KCNH5: variants seen among roughly 807,000 people sequenced by gnomAD.
KCNH5 encodes voltage-gated delayed rectifier potassium channel KCNH5.
KCNH5 carries 46 observed loss-of-function variants against 96.1 expected under a neutral mutation model. The ratio of observed to expected loss-of-function variants is 0.48; its 90% CI spans 0.38 to 0.61. The LOEUF is 0.61. Ranked by LOEUF, KCNH5 falls within the 20% of genes least tolerant of loss-of-function variation. KCNH5 has a pLI of 0.00. For missense variants in KCNH5, 907 were observed against 1,225.8 expected (o/e 0.74, Z 3.88); for synonymous variants, 439 against 449.8 (o/e 0.98, Z 0.30).
chr14:62,841,880 A>G (rs1242886049), intron 8 of KCNH5, among the ~76,000 whole-genome samples: 1 of 152,224 alleles, frequency 6.6e-6, no homozygotes, highest in East Asian at 1.9e-4. Context: ...TAGGGTACTG[A>G]GCAAGTTATC....
intron 7 of KCNH5, among the ~76,000 whole-genome samples, chr14:62,911,619 AAACAG>A (rs1355359561): frequency 6.6e-6 from 1 of 152,222 alleles, no homozygotes; most frequent in Non-Finnish European, 1.5e-5. Flanking sequence ...TTGATCAATA[AAACAG>A]AATACAAATT....
intron 7 of KCNH5, among the ~76,000 whole-genome samples, chr14:62,860,553 G>A (rs1376614231): frequency 6.6e-6 from 1 of 152,106 alleles, no homozygotes; most frequent in African/African-American, 2.4e-5. Flanking sequence ...CATTTATTAT[G>A]GATCAAACAA....
intron 4 of KCNH5, among the ~76,000 whole-genome samples, chr14:62,999,969 G>A (rs904956989): frequency 6.6e-6 from 1 of 151,984 alleles, no homozygotes; most frequent in African/African-American, 2.4e-5. Flanking sequence ...CCCAGGCACT[G>A]AGTCTATGTG....
At chr14:62,854,471 C>G (rs1887891698) in intron 7 of KCNH5, among the ~76,000 whole-genome samples, 1 of 152,080 alleles carries the variant, frequency 6.6e-6, no homozygotes, top group Non-Finnish European at 1.5e-5. Context: ...TAAGGTTATT[C>G]ATGTCCTAAC....
intron 10 of KCNH5, among the ~76,000 whole-genome samples, chr14:62,751,793 T>C (rs747674856): frequency 2.0e-5 from 3 of 152,212 alleles, no homozygotes; most frequent in Non-Finnish European, 2.9e-5. Context: ...TATTAAAAAC[T>C]AAAATGCCAT....
intron 6 of KCNH5, among the ~76,000 whole-genome samples, chr14:62,977,330 C>T (rs1010711087): frequency 3.3e-5 from 5 of 151,552 alleles, no homozygotes; most frequent in Non-Finnish European, 5.9e-5. Context: ...ACTGCACTCT[C>T]GCCTGGGTGA....
intron 7 of KCNH5, among the ~76,000 whole-genome samples, chr14:62,903,576 C>T (rs1298680108): frequency 6.6e-6 from 1 of 152,176 alleles, no homozygotes; most frequent in Non-Finnish European, 1.5e-5. Context: ...CTTCAGTTGT[C>T]GCATTCTCTT....
At chr14:62,722,956 A>T (rs1361914976) in intron 10 of KCNH5, among the ~76,000 whole-genome samples, 1 of 152,136 alleles carries the variant, frequency 6.6e-6, no homozygotes, top group Non-Finnish European at 1.5e-5. Context: ...TGCTATGTAC[A>T]ATTTTGTTTT....
chr14:62,962,071 G>T (rs1444945887), intron 6 of KCNH5, among the ~76,000 whole-genome samples: 5 of 151,764 alleles, frequency 3.3e-5, no homozygotes, highest in Admixed American at 6.6e-5. Context: ...GATAGAGATG[G>T]AAATGGAGAT....
chr14:62,806,170 T>C (rs1886762826), intron 8 of KCNH5, among the ~76,000 whole-genome samples: 2 of 152,074 alleles, frequency 1.3e-5, no homozygotes, highest in Non-Finnish European at 2.9e-5. Context: ...CAGAAAGTTA[T>C]CCAATATGGT....
chr14:62,769,412 A>G (rs1885937824), intron 10 of KCNH5, among the ~76,000 whole-genome samples: 1 of 152,220 alleles, frequency 6.6e-6, no homozygotes, highest in Non-Finnish European at 1.5e-5. Context: ...TTTTCAGAGC[A>G]ATCGTTTTCT....
chr14:62,884,707 T>C (rs1333657729), intron 7 of KCNH5, among the ~76,000 whole-genome samples: 2 of 152,200 alleles, frequency 1.3e-5, no homozygotes, highest in African/African-American at 2.4e-5. Flanking sequence ...TTTTTAAATG[T>C]GCCAGCTGTT....
chr14:62,817,486 C>T (rs1449346868), intron 8 of KCNH5, among the ~76,000 whole-genome samples: 1 of 148,292 alleles, frequency 6.7e-6, no homozygotes, highest in African/African-American at 2.5e-5. Context: ...TGAAAATATT[C>T]GGTTTGAGGA....
At chr14:62,955,046 T>G (rs1350043191) in intron 6 of KCNH5, among the ~76,000 whole-genome samples, 1 of 150,426 alleles carries the variant, frequency 6.6e-6, no homozygotes, top group Admixed American at 6.6e-5. Flanking sequence ...AGGTCACACA[T>G]GTAGGAGATC....
intron 10 of KCNH5, 45 bp from the exon 11 acceptor site, chr14:62,708,500 T>C: frequency 1.6e-6 from 2 of 1,253,410 alleles, no homozygotes; most frequent in Non-Finnish European, 2.2e-6. Flanking sequence ...TAAAAGCAGA[T>C]GGATTAACAG....
chr14:62,867,940 C>G (rs1246378949), intron 7 of KCNH5, among the ~76,000 whole-genome samples: 1 of 152,208 alleles, frequency 6.6e-6, no homozygotes, highest in African/African-American at 2.4e-5. Flanking sequence ...CTTTATTGTT[C>G]TTCACAACAC....
chr14:62,788,568 C>T (rs1161848780), intron 9 of KCNH5, among the ~76,000 whole-genome samples: 1 of 152,112 alleles, frequency 6.6e-6, no homozygotes, highest in Non-Finnish European at 1.5e-5. Context: ...TATCAGTCAG[C>T]ATCACATGCT....
intron 6 of KCNH5, among the ~76,000 whole-genome samples, chr14:62,968,696 G>T (rs912753788): frequency 6.6e-6 from 1 of 152,152 alleles, no homozygotes; most frequent in African/African-American, 2.4e-5. Flanking sequence ...TAGGAAATGT[G>T]GTATGCCTCA....
At chr14:62,795,616 A>T (rs1462962248) in intron 9 of KCNH5, among the ~76,000 whole-genome samples, 1 of 152,178 alleles carries the variant, frequency 6.6e-6, no homozygotes, top group African/African-American at 2.4e-5. Context: ...TTCTGAAACC[A>T]ATCCCTTGTG....
Sources: gnomAD v4.1 joint callset for allele counts (sites outside exome capture counted in the v4.1 genomes callset) on GRCh38, gnomAD v4.1.1 for gene constraint, MANE v1.5 for transcripts, NCBI Gene and HGNC (gene_info 2026-07-23, HGNC 2026-07-21) for gene names.